The following SLC27A2 variants were observed in gnomAD, a reference collection of about 807,000 sequenced individuals.
SLC27A2 encodes solute carrier family 27 member 2.
In SLC27A2, 54 loss-of-function variants were observed where a neutral mutation model predicts 60.0. That is an observed-to-expected ratio of 0.90 (90% CI 0.72 to 1.13). The LOEUF (loss-of-function observed/expected upper bound fraction) is 1.13, where lower values mean the gene tolerates loss of function less well. SLC27A2 is among the 50% of genes most tolerant of loss of function. The pLI is 0.00. For synonymous variants in SLC27A2, 297 were observed against 297.6 expected (o/e 1.00, Z 0.02); for missense variants, 739 against 777.6 (o/e 0.95, Z 0.59).
chr15:50,189,334 G>T (rs2044954351), intron 1 of SLC27A2, among the ~76,000 whole-genome samples: 1 of 151,962 alleles, frequency 6.6e-6, no homozygotes, highest in South Asian at 2.1e-4. Flanking sequence ...TGCTCTCCTT[G>T]GGTCTCAGTG....
chr15:50,187,840 A>T (rs2044937511), intron 1 of SLC27A2, among the ~76,000 whole-genome samples: 1 of 152,232 alleles, frequency 6.6e-6, no homozygotes, highest in African/African-American at 2.4e-5. Flanking sequence ...GAAGAACTTC[A>T]TTACAAAACA....
intron 3 of SLC27A2, among the ~76,000 whole-genome samples, chr15:50,203,350 A>G (rs59572881): frequency 0.24 from 33,026 of 137,702 alleles, 4,107 homozygotes; most frequent in Middle Eastern, 0.31. Context: ...GCTCTACTAG[A>G]AGGAGAGAAG....
intron 3 of SLC27A2, 74 bp from the exon 4 acceptor site, chr15:50,205,165 T>C: frequency 6.6e-7 from 1 of 1,516,774 alleles, no homozygotes; most frequent in Non-Finnish European, 9.0e-7. Flanking sequence ...CCGTTCAAAG[T>C]TGACAAATTA....
At chr15:50,228,893 A>C (rs1010252108) in intron 7 of SLC27A2, 52 bp from the exon 8 acceptor site, 1 of 1,264,444 alleles carries the variant, frequency 7.9e-7, no homozygotes, top group Non-Finnish European at 1.2e-6. Flanking sequence ...CGACATTGCA[A>C]CCTGGGCCAG....
At chr15:50,221,258 GTT>G (rs1252382552) in intron 4 of SLC27A2, among the ~76,000 whole-genome samples, 1 of 151,986 alleles carries the variant, frequency 6.6e-6, no homozygotes, top group Non-Finnish European at 1.5e-5. Flanking sequence ...TCTCATGCAG[GTT>G]CAAAAGGCTT....
chr15:50,193,699 T>G (rs1055611419), intron 1 of SLC27A2, among the ~76,000 whole-genome samples: 1 of 152,226 alleles, frequency 6.6e-6, no homozygotes, highest in Non-Finnish European at 1.5e-5. Flanking sequence ...TTAAGCAGCT[T>G]TACCTTATTC....
chr15:50,207,361 T>C (rs1474388903), intron 4 of SLC27A2, among the ~76,000 whole-genome samples: 1 of 152,216 alleles, frequency 6.6e-6, no homozygotes, highest in East Asian at 1.9e-4. Context: ...ATGCATAATC[T>C]TGAATGACCC....
intron 5 of SLC27A2, 136 bp from the exon 6 acceptor site, chr15:50,225,852 G>T: frequency 1.9e-6 from 1 of 513,740 alleles, no homozygotes; most frequent in Non-Finnish European, 3.5e-6. Flanking sequence ...TCTCTCTCTG[G>T]GTGGCAGTTT....
At chr15:50,205,201 C>T in intron 3 of SLC27A2, 38 bp from the exon 4 acceptor site, 5 of 1,560,670 alleles carry the variant, frequency 3.2e-6, no homozygotes, top group Non-Finnish European at 4.4e-6. Flanking sequence ...ATTTTTTCCA[C>T]CATTTCTTTC....
chr15:50,233,104 C>T (rs990350161), intron 8 of SLC27A2, among the ~76,000 whole-genome samples: 2 of 152,172 alleles, frequency 1.3e-5, no homozygotes, highest in African/African-American at 4.8e-5. Flanking sequence ...AGGATCTGTT[C>T]TCTCTGTGGA....
chr15:50,222,941 T>G, intron 4 of SLC27A2, 24 bp from the exon 5 acceptor site: 1 of 1,574,326 alleles, frequency 6.4e-7, no homozygotes, highest in Non-Finnish European at 8.6e-7. Flanking sequence ...TTCAGTTTGG[T>G]CTCCTTCTTC....
At chr15:50,229,651 C>A (rs912339369) in intron 8 of SLC27A2, among the ~76,000 whole-genome samples, 2 of 152,144 alleles carry the variant, frequency 1.3e-5, no homozygotes, top group African/African-American at 4.8e-5. Context: ...ATAATGCCAG[C>A]CCTGCAGTTA....
At chr15:50,234,456 G>A (rs886086463) in intron 9 of SLC27A2, among the ~76,000 whole-genome samples, 2 of 151,872 alleles carry the variant, frequency 1.3e-5, no homozygotes, top group African/African-American at 2.4e-5. Context: ...GCGTGGTAGT[G>A]CATGCCTGTA....
chr15:50,193,703 C>T (rs2044992647), intron 1 of SLC27A2, among the ~76,000 whole-genome samples: 1 of 152,138 alleles, frequency 6.6e-6, no homozygotes, highest in South Asian at 2.1e-4. Context: ...GCAGCTTTAC[C>T]TTATTCCTCT....
chr15:50,214,189 G>A (rs58351183), intron 4 of SLC27A2, among the ~76,000 whole-genome samples: 27,384 of 151,860 alleles, frequency 0.18, 2,696 homozygotes, highest in South Asian at 0.26. Flanking sequence ...ACACCCTTAC[G>A]CACATAAACT....
At chr15:50,183,488 C>A (rs2044889048) in intron 1 of SLC27A2, among the ~76,000 whole-genome samples, 1 of 152,176 alleles carries the variant, frequency 6.6e-6, no homozygotes. Flanking sequence ...GGTGACCCCA[C>A]CTGATCCCCA....
At chr15:50,187,891 G>A (rs2044937961) in intron 1 of SLC27A2, among the ~76,000 whole-genome samples, 1 of 150,950 alleles carries the variant, frequency 6.6e-6, no homozygotes, top group African/African-American at 2.4e-5. Flanking sequence ...CCAAACTTTT[G>A]AGATTAGATT....
chr15:50,217,073 C>T (rs1427151962), intron 4 of SLC27A2, among the ~76,000 whole-genome samples: 2 of 150,710 alleles, frequency 1.3e-5, no homozygotes, highest in East Asian at 3.9e-4. Context: ...GAGAATAATA[C>T]AATAGACTTT....
intron 4 of SLC27A2, among the ~76,000 whole-genome samples, chr15:50,220,179 C>T (rs564222667): frequency 6.6e-6 from 1 of 152,296 alleles, no homozygotes; most frequent in South Asian, 2.1e-4. Flanking sequence ...GCTCAGCTAC[C>T]TGCTACTGGC....
Sources: gnomAD v4.1 joint callset for allele counts (sites outside exome capture counted in the v4.1 genomes callset) on GRCh38, gnomAD v4.1.1 for gene constraint, MANE v1.5 for transcripts, NCBI Gene and HGNC (gene_info 2026-07-23, HGNC 2026-07-21) for gene names.